PIP5K1B: variants seen among roughly 807,000 people sequenced by gnomAD.
The protein encoded by PIP5K1B is phosphatidylinositol-4-phosphate 5-kinase type 1 beta.
In PIP5K1B, 42 loss-of-function variants were observed where a neutral mutation model predicts 67.0. The ratio of observed to expected loss-of-function variants is 0.63; its 90% CI spans 0.49 to 0.81. The LOEUF is 0.81. Among genes scored for constraint, PIP5K1B ranks in the 30% least tolerant of loss-of-function variants. PIP5K1B has a pLI of 0.00. For synonymous variants in PIP5K1B, 214 were observed against 231.4 expected (o/e 0.92, Z 0.68); for missense variants, 459 against 646.3 (o/e 0.71, Z 3.14).
At chr9:68,744,215 G>C (rs1017620657) in intron 2 of PIP5K1B, among the ~76,000 whole-genome samples, 1 of 152,182 alleles carries the variant, frequency 6.6e-6, no homozygotes, top group Non-Finnish European at 1.5e-5. Context: ...TCAAGCTGGG[G>C]CATGCTGGGC....
chr9:68,780,310 C>CG (rs778817087), intron 2 of PIP5K1B: 1 of 1,601,178 alleles, frequency 6.2e-7, no homozygotes, highest in Non-Finnish European at 8.5e-7. Context: ...GACACTTCGC[C>CG]GGTGTTCCAG....
At chr9:68,885,470 G>A (rs1349050848) in intron 6 of PIP5K1B, among the ~76,000 whole-genome samples, 5 of 152,182 alleles carry the variant, frequency 3.3e-5, no homozygotes. Context: ...CTCACCACAA[G>A]GAAGTGTGTA....
At chr9:68,864,459 G>C (rs1823261820) in intron 5 of PIP5K1B, among the ~76,000 whole-genome samples, 1 of 152,200 alleles carries the variant, frequency 6.6e-6, no homozygotes, top group Non-Finnish European at 1.5e-5. Context: ...AGAAAACATG[G>C]ATAATCCTGC....
intron 14 of PIP5K1B, among the ~76,000 whole-genome samples, chr9:68,954,337 T>C (rs1011289946): frequency 6.6e-6 from 1 of 152,164 alleles, no homozygotes; most frequent in Non-Finnish European, 1.5e-5. Context: ...TGAGCGTGTC[T>C]GCAAAATTAG....
At chr9:68,795,569 G>A (rs758324564) in intron 2 of PIP5K1B, among the ~76,000 whole-genome samples, 1 of 152,172 alleles carries the variant, frequency 6.6e-6, no homozygotes, top group Admixed American at 6.5e-5. Flanking sequence ...GATAGATAAC[G>A]CTTGGAAAAT....
chr9:68,907,372 C>T (rs1825666528), intron 8 of PIP5K1B, among the ~76,000 whole-genome samples: 1 of 152,082 alleles, frequency 6.6e-6, no homozygotes, highest in Non-Finnish European at 1.5e-5. Context: ...TCAACTGTGT[C>T]ATGTTGAGCC....
intron 6 of PIP5K1B, 66 bp from the exon 7 acceptor site, chr9:68,888,915 T>G: frequency 9.0e-7 from 1 of 1,113,498 alleles, no homozygotes; most frequent in Non-Finnish European, 1.3e-6. Flanking sequence ...ATGCTATGAT[T>G]GTCCTCCTTG....
intron 14 of PIP5K1B, among the ~76,000 whole-genome samples, chr9:68,960,169 T>G (rs1828639028): frequency 6.6e-6 from 1 of 152,256 alleles, no homozygotes; most frequent in Non-Finnish European, 1.5e-5. Context: ...TAGCAAAGTA[T>G]AGAATTTTAT....
At chr9:68,961,737 C>CT (rs557145909) in intron 14 of PIP5K1B, among the ~76,000 whole-genome samples, 95 of 152,310 alleles carry the variant, frequency 6.2e-4, no homozygotes, top group African/African-American at 2.2e-3. Flanking sequence ...TAGTACCCTC[C>CT]TTATCTCCTT....
In PIP5K1B at chr9:68,963,328, C is replaced by A. The variant is rs921911703; in HGVS notation, c.1502+22538C>A. ...GACCAGCCTGGGCAATATGGTGAAA[C>A]CCCATCTCTACTAAAAATACAAACA... On this transcript the variant is annotated intron_variant, in intron 14 of 15. Transcript: ENST00000265382. 1.7e-5 allele frequency: 7 copies of A among 419,120 alleles called. No individual in the cohort carries two copies. The Admixed American group carries it at 1.9e-4, about 11-fold the overall frequency. The allele number at this position is 419,120 out of a possible 1,614,324, so 26.0% of individuals were successfully genotyped here.
intron 4 of PIP5K1B, among the ~76,000 whole-genome samples, chr9:68,861,156 TAA>T (rs1823044964): frequency 6.6e-6 from 1 of 152,244 alleles, no homozygotes; most frequent in Non-Finnish European, 1.5e-5. Context: ...ACCTGAAATT[TAA>T]ATGCTCTGAA....
chr9:68,940,705 G>A lies in PIP5K1B; in HGVS notation c.1417G>A (p.Ala473Thr). 6.2e-7 allele frequency: 1 copy of A among 1,613,984 alleles called. No homozygotes were observed. The highest frequency in any genetic ancestry group is 1.7e-4 in the Middle Eastern group (1 of 6,060). Residue 473 changes from alanine to threonine, a missense_variant, in exon 14 of 16, where the codon GCT (alanine) becomes ACT (threonine). By Grantham distance (58) the Ala-to-Thr change is moderately conservative. Transcript: ENST00000265382. Reference sequence around the variant, plus strand: ...TAGCACTCCATCACTGTTTGAAGCTGCTTCCTTGGCAACCACAATTTCATC... The same window carrying A: ...TAGCACTCCATCACTGTTTGAAGCTACTTCCTTGGCAACCACAATTTCATC... ...VPSTPSLFEAASLATTISSSS... is the reference protein window; with the variant it reads ...VPSTPSLFEATSLATTISSSS...
chr9:68,938,998 G>A (rs950272324), intron 13 of PIP5K1B, among the ~76,000 whole-genome samples: 1 of 152,176 alleles, frequency 6.6e-6, no homozygotes, highest in Admixed American at 6.5e-5. Flanking sequence ...AGCCAACTCA[G>A]GGCAACCTGA....
At chr9:68,880,071 C>CT (rs1161100094) in intron 6 of PIP5K1B, among the ~76,000 whole-genome samples, 2 of 151,822 alleles carry the variant, frequency 1.3e-5, no homozygotes, top group African/African-American at 4.8e-5. Flanking sequence ...GAATGCCCCC[C>CT]TACAAAAAGA....
chr9:68,920,669 A>G (rs1394643254), intron 11 of PIP5K1B, among the ~76,000 whole-genome samples: 1 of 151,840 alleles, frequency 6.6e-6, no homozygotes, highest in Non-Finnish European at 1.5e-5. Context: ...CGCCCAGCCA[A>G]GAATGTCTTA....
chr9:68,880,244 G>A (rs1327307369), intron 6 of PIP5K1B, among the ~76,000 whole-genome samples: 3 of 152,126 alleles, frequency 2.0e-5, no homozygotes, highest in Non-Finnish European at 2.9e-5. Context: ...TTTTATGTAC[G>A]TAAATATAAC....
At chr9:68,953,980 G>A (rs1828243780) in intron 14 of PIP5K1B, among the ~76,000 whole-genome samples, 1 of 151,858 alleles carries the variant, frequency 6.6e-6, no homozygotes, top group Non-Finnish European at 1.5e-5. Context: ...GCAGGAACAG[G>A]TGTCTTAGCA....
intron 5 of PIP5K1B, among the ~76,000 whole-genome samples, chr9:68,872,844 C>T (rs1192828666): frequency 6.6e-6 from 1 of 152,220 alleles, no homozygotes; most frequent in Non-Finnish European, 1.5e-5. Flanking sequence ...CTTAATACCA[C>T]ATAGAATTCC....
chr9:68,734,076 G>T lies in PIP5K1B; in HGVS notation c.-242-8425G>T, dbSNP rs563002444. On this transcript the variant is annotated intron_variant, in intron 1 of 15. Transcript: ENST00000265382. ...CATGCAACCCCACGAAAGTCACTTA[G>T]CTACTTTATTCTTCAGCATTTTCAG... Among the ~76,000 whole-genome samples the T allele has an allele frequency of 7.2e-5, 11 of 152,258 alleles. 1 individual carries two copies. In the South Asian group the frequency reaches 2.3e-3, roughly 32 times the overall value.
Sources: gnomAD v4.1 joint callset for allele counts (sites outside exome capture counted in the v4.1 genomes callset) on GRCh38, gnomAD v4.1.1 for gene constraint, MANE v1.5 for transcripts, NCBI Gene and HGNC (gene_info 2026-07-23, HGNC 2026-07-21) for gene names.